Variants in DCC observed in about 807,000 individuals in gnomAD.
The protein encoded by DCC is netrin receptor DCC.
In DCC, 58 loss-of-function variants were observed where a neutral mutation model predicts 172.5. The observed-to-expected ratio is 0.34, with a 90% confidence interval of 0.27 to 0.42. DCC has a LOEUF of 0.42. Among genes scored for constraint, DCC ranks in the 10% least tolerant of loss-of-function variants. The probability of loss-of-function intolerance (pLI) is 1.00; values close to 1 mark genes in which losing one functional copy is unlikely to be tolerated. For missense variants in DCC, 1,740 were observed against 1,791.0 expected (o/e 0.97, Z 0.51); for synonymous variants, 709 against 644.5 (o/e 1.10, Z -1.52).
At chr18:52,828,754 T>G (rs1006722983) in intron 2 of DCC, among the ~76,000 whole-genome samples, 3 of 152,170 alleles carry the variant, frequency 2.0e-5, no homozygotes, top group African/African-American at 7.2e-5. Flanking sequence ...CAATGACATC[T>G]TTTGGTTTGG....
chr18:52,390,892 G>A (rs1986005367), intron 1 of DCC, among the ~76,000 whole-genome samples: 1 of 152,088 alleles, frequency 6.6e-6, no homozygotes, highest in African/African-American at 2.4e-5. Context: ...CGAACATTGA[G>A]TGTATTAGCA....
chr18:53,054,704 T>G (rs2042379962), intron 5 of DCC, among the ~76,000 whole-genome samples: 1 of 152,094 alleles, frequency 6.6e-6, no homozygotes, highest in Non-Finnish European at 1.5e-5. Flanking sequence ...TAAAGAAAAT[T>G]GTGTGGAGAG....
chr18:52,755,451 A>T (rs566142543), intron 2 of DCC, among the ~76,000 whole-genome samples: 11 of 152,324 alleles, frequency 7.2e-5, no homozygotes, highest in African/African-American at 2.6e-4. Flanking sequence ...GGATTCAGTC[A>T]CTGAGTTAAA....
At chr18:53,373,754 T>C (rs1299948434) in intron 15 of DCC, among the ~76,000 whole-genome samples, 1 of 152,092 alleles carries the variant, frequency 6.6e-6, no homozygotes, top group Non-Finnish European at 1.5e-5. Flanking sequence ...GAATTGAAAA[T>C]CATGAGTTTT....
chr18:53,257,219 G>A (rs1384325971), intron 12 of DCC, among the ~76,000 whole-genome samples: 1 of 152,104 alleles, frequency 6.6e-6, no homozygotes, highest in African/African-American at 2.4e-5. Flanking sequence ...TCTCCTGCCT[G>A]ATTGCCCTGG....
intron 1 of DCC, among the ~76,000 whole-genome samples, chr18:52,700,077 G>C (rs1436057453): frequency 6.6e-6 from 1 of 150,960 alleles, no homozygotes; most frequent in Non-Finnish European, 1.5e-5. Context: ...ATTAAATACA[G>C]TGAATGTTTA....
intron 5 of DCC, among the ~76,000 whole-genome samples, chr18:53,024,057 G>A (rs1399086604): frequency 6.6e-6 from 1 of 152,154 alleles, no homozygotes; most frequent in African/African-American, 2.4e-5. Flanking sequence ...TAACTTGAGT[G>A]TGGAGAAGAT....
intron 1 of DCC, among the ~76,000 whole-genome samples, chr18:52,586,402 G>A (rs896775492): frequency 4.6e-5 from 7 of 152,072 alleles, no homozygotes; most frequent in African/African-American, 1.7e-4. Context: ...TAGAGTAGTA[G>A]ACTGATTTCA....
chr18:53,263,804 T>A (rs1183836067), intron 12 of DCC, among the ~76,000 whole-genome samples: 3 of 151,892 alleles, frequency 2.0e-5, no homozygotes, highest in African/African-American at 7.2e-5. Context: ...TTTAAATGAT[T>A]TTATGATATT....
chr18:52,722,343 G>A (rs1176354719), intron 1 of DCC, among the ~76,000 whole-genome samples: 1 of 152,164 alleles, frequency 6.6e-6, no homozygotes, highest in South Asian at 2.1e-4. Context: ...CAGAGATAGA[G>A]ATGGCTTCCT....
At chr18:52,979,729 G>A (rs534617001) in intron 5 of DCC, among the ~76,000 whole-genome samples, 22 of 152,318 alleles carry the variant, frequency 1.4e-4, no homozygotes, top group South Asian at 8.3e-4. Flanking sequence ...TGAATGAGAA[G>A]AGCACCAATG....
At chr18:53,194,916 ACTT>A (rs1343783345) in intron 9 of DCC, among the ~76,000 whole-genome samples, 1 of 152,250 alleles carries the variant, frequency 6.6e-6, no homozygotes, top group African/African-American at 2.4e-5. Flanking sequence ...AAGATTAAAT[ACTT>A]CTTCCTCCAA....
intron 2 of DCC, among the ~76,000 whole-genome samples, chr18:52,904,548 T>C (rs1383841276): frequency 6.6e-6 from 1 of 152,178 alleles, no homozygotes; most frequent in Non-Finnish European, 1.5e-5. Context: ...ATTAGGATCA[T>C]GAAAATTAAT....
chr18:53,056,765 A>G (rs1239702543), intron 5 of DCC, among the ~76,000 whole-genome samples: 1 of 152,066 alleles, frequency 6.6e-6, no homozygotes, highest in African/African-American at 2.4e-5. Flanking sequence ...ACAGCCACTC[A>G]AAGATTATGG....
intron 5 of DCC, among the ~76,000 whole-genome samples, chr18:52,980,174 G>A (rs2041186167): frequency 6.6e-6 from 1 of 152,194 alleles, no homozygotes. Context: ...ATTCAATGAA[G>A]GATGAGCTCT....
chr18:52,808,669 AGTGGCAGG>A (rs1448275045), intron 2 of DCC, among the ~76,000 whole-genome samples: 2 of 152,196 alleles, frequency 1.3e-5, no homozygotes, highest in Non-Finnish European at 2.9e-5. Flanking sequence ...GCCACCTGCC[AGTGGCAGG>A]CAGAAGTTTC....
chr18:52,819,792 C>T (rs137909565), intron 2 of DCC, among the ~76,000 whole-genome samples: 5,485 of 151,704 alleles, frequency 0.036, 143 homozygotes, highest in Admixed American at 0.052. Context: ...GATCTCTGCT[C>T]ACTGCAAGCT....
chr18:53,118,775 A>G (rs2144280448), intron 7 of DCC, among the ~76,000 whole-genome samples: 1 of 151,924 alleles, frequency 6.6e-6, no homozygotes, highest in Non-Finnish European at 1.5e-5. Context: ...CATGACTGAC[A>G]TTAACAGTTC....
At chr18:52,461,427 G>T (rs1988626498) in intron 1 of DCC, among the ~76,000 whole-genome samples, 1 of 152,066 alleles carries the variant, frequency 6.6e-6, no homozygotes, top group Admixed American at 6.5e-5. Context: ...AATGACAAAA[G>T]GTATAATATA....
Sources: gnomAD v4.1 joint callset for allele counts (sites outside exome capture counted in the v4.1 genomes callset) on GRCh38, gnomAD v4.1.1 for gene constraint, MANE v1.5 for transcripts, NCBI Gene and HGNC (gene_info 2026-07-23, HGNC 2026-07-21) for gene names.